Variants in DOK5 observed in about 807,000 individuals in gnomAD.
DOK5 encodes docking protein 5, also known as downstream of tyrosine kinase 5.
DOK5 carries 27 observed loss-of-function variants against 43.3 expected under a neutral mutation model. The ratio of observed to expected loss-of-function variants is 0.62; its 90% CI spans 0.46 to 0.86. DOK5 has a LOEUF of 0.86. DOK5 is among the 40% of genes least tolerant of loss of function. The probability of loss-of-function intolerance (pLI) is 0.00; values close to 1 mark genes in which losing one functional copy is unlikely to be tolerated. For synonymous variants in DOK5, 146 were observed against 140.1 expected (o/e 1.04, Z -0.30); for missense variants, 373 against 392.9 (o/e 0.95, Z 0.43).
intron 1 of DOK5, among the ~76,000 whole-genome samples, chr20:54,506,651 G>A (rs1041426208): frequency 3.9e-5 from 6 of 152,122 alleles, no homozygotes; most frequent in East Asian, 3.9e-4. Flanking sequence ...TTGTAGAGGC[G>A]GAGTCTCTCC....
intron 1 of DOK5, among the ~76,000 whole-genome samples, chr20:54,501,264 G>A (rs754307580): frequency 2.0e-5 from 3 of 151,844 alleles, no homozygotes; most frequent in Middle Eastern, 3.4e-3. Context: ...TCAGGAGATC[G>A]AGACTATCCT....
chr20:54,542,193 G>T (rs1171177733), intron 1 of DOK5, among the ~76,000 whole-genome samples: 1 of 151,828 alleles, frequency 6.6e-6, no homozygotes, highest in African/African-American at 2.4e-5. Context: ...AAAGACAGCA[G>T]ATTTTCTCCC....
intron 5 of DOK5, 87 bp from the exon 6 acceptor site, chr20:54,610,301 G>A (rs6098111): frequency 0.073 from 91,739 of 1,254,720 alleles, 3,760 homozygotes; most frequent in African/African-American, 0.11. Context: ...ATAAATGGGC[G>A]CAGCCTAATG....
chr20:54,493,076 A>C (rs1382104517), intron 1 of DOK5, among the ~76,000 whole-genome samples: 10 of 151,404 alleles, frequency 6.6e-5, no homozygotes, highest in African/African-American at 2.4e-4. Context: ...AAAAAAAAAA[A>C]AAAAAGGGAT....
At chr20:54,579,358 T>TTGTGTGTGTGTGTGTG (rs151204252) in intron 2 of DOK5, among the ~76,000 whole-genome samples, 4,157 of 150,822 alleles carry the variant, frequency 0.028, 197 homozygotes, top group African/African-American at 0.097. Context: ...GTGTGTGTGC[T>TTGTGTGTGTGTGTGTG]TGTGTGTGTG....
intron 1 of DOK5, among the ~76,000 whole-genome samples, chr20:54,496,783 AAAAG>A (rs1982419204): frequency 6.6e-6 from 1 of 151,488 alleles, no homozygotes; most frequent in Admixed American, 6.6e-5. Flanking sequence ...AAAAAAAAAA[AAAAG>A]AAAAAAATGA....
At chr20:54,615,759 A>C (rs1451704187) in intron 6 of DOK5, among the ~76,000 whole-genome samples, 1 of 152,090 alleles carries the variant, frequency 6.6e-6, no homozygotes, top group Non-Finnish European at 1.5e-5. Flanking sequence ...AAAATACAAA[A>C]ATTAGCTGGG....
intron 6 of DOK5, among the ~76,000 whole-genome samples, chr20:54,630,145 A>C (rs1978495137): frequency 6.6e-6 from 1 of 152,240 alleles, no homozygotes. Flanking sequence ...ACGAGCAAGA[A>C]GATGAGTTAA....
intron 1 of DOK5, among the ~76,000 whole-genome samples, chr20:54,542,099 TACACACACACAC>T (rs59020714): frequency 1.9e-4 from 23 of 122,058 alleles, no homozygotes; most frequent in Middle Eastern, 3.9e-3. Context: ...TATTATAAGA[TACACACACACAC>T]ACACACACAC....
At chr20:54,490,181 T>G (rs1342662592) in intron 1 of DOK5, among the ~76,000 whole-genome samples, 2 of 152,196 alleles carry the variant, frequency 1.3e-5, no homozygotes, top group Non-Finnish European at 2.9e-5. Flanking sequence ...TAATTTACTG[T>G]CTTAAAACAC....
intron 1 of DOK5, among the ~76,000 whole-genome samples, chr20:54,480,399 G>A (rs2146654615): frequency 6.6e-6 from 1 of 152,278 alleles, no homozygotes; most frequent in South Asian, 2.1e-4. Flanking sequence ...CTGCTACGTG[G>A]CGCTACCCCC....
intron 2 of DOK5, among the ~76,000 whole-genome samples, chr20:54,568,936 T>C (rs1389261232): frequency 2.2e-5 from 1 of 45,572 alleles, no homozygotes; most frequent in Non-Finnish European, 4.5e-5. Context: ...TATCTCAAAA[T>C]AAATAAATAA....
intron 1 of DOK5, among the ~76,000 whole-genome samples, chr20:54,518,673 A>AC (rs1983286767): frequency 6.6e-6 from 1 of 152,190 alleles, no homozygotes. Context: ...TGGTATTTCT[A>AC]GTTCTAGATC....
At chr20:54,642,650 G>A (rs1403144285) in intron 6 of DOK5, among the ~76,000 whole-genome samples, 1 of 151,674 alleles carries the variant, frequency 6.6e-6, no homozygotes, top group East Asian at 1.9e-4. Flanking sequence ...CTTGAGCCCA[G>A]AGGCGGAGGT....
intron 1 of DOK5, among the ~76,000 whole-genome samples, chr20:54,523,287 C>T (rs544676774): frequency 2.0e-5 from 3 of 152,112 alleles, no homozygotes; most frequent in Non-Finnish European, 4.4e-5. Flanking sequence ...ATTTTTTGGG[C>T]TGGGCATGGT....
chr20:54,637,328 A>T (rs2208074), intron 6 of DOK5, among the ~76,000 whole-genome samples: 1 of 152,108 alleles, frequency 6.6e-6, no homozygotes, highest in Non-Finnish European at 1.5e-5. Flanking sequence ...GCATGCATTC[A>T]TGCTGTTTAG....
Position 54,610,391 on chromosome 20 carries a change from G to A in DOK5, c.603G>A (p.Met201Ile). 1 of 1,549,606 alleles carries A rather than the reference G, an allele frequency of 6.5e-7. No homozygotes were observed. The highest frequency in any genetic ancestry group is 8.7e-7 in the Non-Finnish European group (1 of 1,151,488). Residue 201 changes from methionine (M) to isoleucine (I), a missense_variant, in exon 6 of 8, where the codon ATG (methionine) becomes ATA (isoleucine). Met to Ile is a conservative substitution (Grantham distance 10). Transcript: ENST00000262593. ...TTWFTFEAGR[M>I]CETGEGLFIF... is the part of the protein sequence containing the mutation. The stretch of plus-strand genomic sequence containing the variant: ...TGTTTTGTTTTTGTTTTCACAGGAT[G>A]TGTGAGACTGGTGAAGGGCTGTTTA...
In DOK5 at chr20:54,591,921, A is replaced by G. The variant is rs951520321; in HGVS notation, c.599+116A>G. ...TACATATGAGATCCAGCTGAAGTAC[A>G]CTTGAGGAAATTCATAGAGTTGCGA... On this transcript the variant is annotated intron_variant, in intron 5 of 7. Coordinates refer to ENST00000262593, the MANE Select transcript of DOK5 (RefSeq NM_018431.5). 31 of 834,512 alleles carry G rather than the reference A, an allele frequency of 3.7e-5. No homozygotes were observed. In the African/African-American group the frequency reaches 5.0e-4, roughly 13 times the overall value. The allele number at this position is 834,512 out of a possible 1,614,324, so 51.7% of individuals were successfully genotyped here. A position where few individuals can be genotyped will look rare whatever the true frequency, so the allele number is the denominator to read the frequency against.
At chr20:54,623,669 T>C (rs1170403374) in intron 6 of DOK5, among the ~76,000 whole-genome samples, 1 of 152,092 alleles carries the variant, frequency 6.6e-6, no homozygotes, top group African/African-American at 2.4e-5. Context: ...AACCTCCATC[T>C]CCTGGGTTCA....
Sources: allele counts gnomAD v4.1 joint callset (sites outside exome capture counted in the v4.1 genomes callset), GRCh38; gene constraint gnomAD v4.1.1; transcripts MANE v1.5; gene names NCBI Gene and HGNC (gene_info 2026-07-23, HGNC 2026-07-21).